Variants in RBPJ observed in about 807,000 individuals in gnomAD.
RBPJ encodes recombination signal binding protein for immunoglobulin kappa J region, also known as recombining binding protein suppressor of hairless.
RBPJ carries 9 observed loss-of-function variants against 67.8 expected under a neutral mutation model. That is an observed-to-expected ratio of 0.13 (90% CI 0.08 to 0.23). The LOEUF (loss-of-function observed/expected upper bound fraction) is 0.23. Ranked by LOEUF, RBPJ falls within the 10% of genes least tolerant of loss-of-function variation. RBPJ has a pLI of 1.00. For missense variants in RBPJ, 305 were observed against 595.6 expected, an observed-to-expected ratio of 0.51 and a Z score of 5.08; for synonymous variants, 198 against 203.3, an observed-to-expected ratio of 0.97 and a Z score of 0.22.
chr4:26,258,791 A>ATTATTTATTTAT (rs140692847), intron 1 of RBPJ, among the ~76,000 whole-genome samples: 2 of 148,544 alleles, frequency 1.3e-5, no homozygotes, highest in African/African-American at 5.0e-5. Context: ...ACATTTTTTT[A>ATTATTTATTTAT]TTATTTATTT....
chr4:26,151,281 T>C, the RBPJ span, among the ~76,000 whole-genome samples: 1 of 152,206 alleles, frequency 6.6e-6, no homozygotes, highest in East Asian at 1.9e-4. Context: ...CCATGACTAA[T>C]GCTGAATTAT....
Position 26,215,107 on chromosome 4 carries a change from AAAAG to A in RBPJ, c.-167+51502_-167+51505del, listed in dbSNP as rs1364448491. Among the ~76,000 whole-genome samples the A allele has an allele frequency of 4.3e-4, 5 of 11,664 alleles. 1 individual carries two copies. Among genetic ancestry groups the A allele is most frequent in the East Asian group, 0.023 (1 of 44 alleles). The allele number at this position is 11,664 out of a possible 152,430, so 7.7% of individuals were successfully genotyped here. ...AAAAAGACAGAAAGAGAAAGAAAGA[AAAAG>A]AAAGAAAGGAAAGAGAAACAAGGAA... On this transcript the variant is annotated intron_variant, in intron 1 of 4. Transcript: ENST00000512351.
chr4:26,191,204 T>TAG (rs1445537450), intron 1 of RBPJ, among the ~76,000 whole-genome samples: 45 of 31,834 alleles, frequency 1.4e-3, no homozygotes, highest in Admixed American at 4.6e-3. Context: ...TATATATATA[T>TAG]ATATATAGAG....
intron 1 of RBPJ, among the ~76,000 whole-genome samples, chr4:26,366,997 G>A (rs1476988862): frequency 6.6e-5 from 10 of 151,774 alleles, no homozygotes; most frequent in African/African-American, 9.7e-5. Context: ...GGTGGCAGGC[G>A]CCTGTAATCC....
intron 1 of RBPJ, among the ~76,000 whole-genome samples, chr4:26,235,310 T>C (rs1426497299): frequency 1.3e-5 from 2 of 152,202 alleles, no homozygotes; most frequent in East Asian, 3.9e-4. Context: ...ACAACGTAGG[T>C]TTTGAGTTCT....
At chr4:26,160,463 C>G (rs781130989), upstream of RBPJ, among the ~76,000 whole-genome samples, 8 of 152,218 alleles carry the variant, frequency 5.3e-5, no homozygotes, top group Non-Finnish European at 8.8e-5. Context: ...ACCCACAAAA[C>G]TCTTTTTTTA....
the RBPJ span, among the ~76,000 whole-genome samples, chr4:26,144,410 C>T: frequency 1.3e-5 from 2 of 151,172 alleles, no homozygotes; most frequent in African/African-American, 4.9e-5. Context: ...GCTGGGATTA[C>T]AGGCATGCAC....
chr4:26,191,210 TAGAGAGAGAGAG>T lies in RBPJ; in HGVS notation c.-167+27616_-167+27627del, dbSNP rs545388933. 4.8e-3 allele frequency among the ~76,000 whole-genome samples: 129 copies of T among 26,812 alleles called. 2 individuals are homozygous for T. The highest frequency in any genetic ancestry group is 0.036 in the East Asian group (18 of 498). The allele number at this position is 26,812 out of a possible 152,430, so 17.6% of individuals were successfully genotyped here. A position where few individuals can be genotyped will look rare whatever the true frequency, so the allele number is the denominator to read the frequency against. On this transcript the variant is annotated intron_variant, in intron 1 of 4. Coordinates refer to the RBPJ transcript ENST00000512351. ...ATATATATATATATATATATATATA[TAGAGAGAGAGAG>T]AGAGAGAGAGAGAGAGAGATAGAGA...
chr4:26,427,078 G>A (rs1735750543), intron 7 of RBPJ, among the ~76,000 whole-genome samples: 1 of 152,168 alleles, frequency 6.6e-6, no homozygotes, highest in African/African-American at 2.4e-5. Flanking sequence ...ACAGGTGCTT[G>A]GATTGTTGTC....
intron 1 of RBPJ, among the ~76,000 whole-genome samples, chr4:26,342,959 T>G (rs145696910): frequency 6.6e-6 from 1 of 152,368 alleles, no homozygotes; most frequent in East Asian, 1.9e-4. Context: ...TGGAGTACTT[T>G]TGTTTTATGT....
intron 1 of RBPJ, among the ~76,000 whole-genome samples, chr4:26,226,202 C>T (rs1043048709): frequency 2.3e-4 from 34 of 150,504 alleles, no homozygotes; most frequent in Admixed American, 6.6e-4. Flanking sequence ...TGGTGTTTTA[C>T]GCCTGTAATC....
intron 1 of RBPJ, among the ~76,000 whole-genome samples, chr4:26,190,420 G>A (rs1420150584): frequency 6.6e-6 from 1 of 152,206 alleles, no homozygotes; most frequent in African/African-American, 2.4e-5. Flanking sequence ...TTCCCAAAAT[G>A]ATAACTCAAG....
chr4:26,349,079 T>A (rs984347781), intron 1 of RBPJ, among the ~76,000 whole-genome samples: 1 of 107,912 alleles, frequency 9.3e-6, no homozygotes, highest in African/African-American at 3.1e-5. Context: ...AGTTTGTGTG[T>A]GTGTGTGTGC....
At chr4:26,210,727 CCTTCTTTA>C (rs1367212617) in intron 1 of RBPJ, among the ~76,000 whole-genome samples, 995 of 61,402 alleles carry the variant, frequency 0.016, 43 homozygotes, top group Middle Eastern at 0.057. Flanking sequence ...TTCTTTCTTT[CCTTCTTTA>C]CTTCTTTCCT....
chr4:26,235,895 A>G (rs745495170), intron 1 of RBPJ, among the ~76,000 whole-genome samples: 2 of 152,238 alleles, frequency 1.3e-5, no homozygotes, highest in Non-Finnish European at 2.9e-5. Flanking sequence ...GTGAAGCCCA[A>G]TGCTAAAGAA....
chr4:26,178,607 CAAAAAAAAAAAA>C (rs1173498137), intron 1 of RBPJ, among the ~76,000 whole-genome samples: 1 of 58,738 alleles, frequency 1.7e-5, no homozygotes, highest in Non-Finnish European at 2.9e-5. Context: ...GACCCCGTAT[CAAAAAAAAAAAA>C]AAAAAAAAAA....
intron 1 of RBPJ, among the ~76,000 whole-genome samples, chr4:26,194,433 G>A (rs10034002): frequency 0.73 from 111,258 of 152,214 alleles, 41,759 homozygotes; most frequent in African/African-American, 0.9. Flanking sequence ...TTGAGCACTT[G>A]CAGCATGCCA....
rs1560214740 is a variant in RBPJ, at chr4:26,215,353, A to AGG, written c.-167+51739_-167+51740insGG. Among the ~76,000 whole-genome samples, 221 of 102,466 alleles carry AGG rather than the reference A, an allele frequency of 2.2e-3. 2 individuals carry two copies. Among genetic ancestry groups the AGG allele is most frequent in the Non-Finnish European group, 2.7e-3 (148 of 54,554 alleles). The allele number at this position is 102,466 out of a possible 152,430, so 67.2% of individuals were successfully genotyped here. A position where few individuals can be genotyped will look rare whatever the true frequency, so the allele number is the denominator to read the frequency against. The stretch of plus-strand genomic sequence containing the variant: ...AAAGAGAGAGAGAAAGAAAGAAAAA[A>AGG]AGAAGGAAGGAAGGAAGGAAGAAGG... On this transcript the variant is annotated intron_variant, in intron 1 of 4. Transcript: ENST00000512351.
At chr4:26,373,713 T>G (rs901801162) in intron 1 of RBPJ, among the ~76,000 whole-genome samples, 1 of 152,220 alleles carries the variant, frequency 6.6e-6, no homozygotes, top group Non-Finnish European at 1.5e-5. Context: ...TTCAGAAGAC[T>G]GTCACAGTCC....
Sources: allele counts gnomAD v4.1 joint callset (sites outside exome capture counted in the v4.1 genomes callset), GRCh38; gene constraint gnomAD v4.1.1; transcripts MANE v1.5; gene names NCBI Gene and HGNC (gene_info 2026-07-23, HGNC 2026-07-21).